The following WSCD2 variants were observed in gnomAD, a reference collection of about 807,000 sequenced individuals.
WSCD2 encodes sialate:O-sulfotransferase 2.
WSCD2 carries 28 observed loss-of-function variants against 55.7 expected under a neutral mutation model. The ratio of observed to expected loss-of-function variants is 0.50; its 90% CI spans 0.37 to 0.69. The LOEUF (loss-of-function observed/expected upper bound fraction) is 0.69. Among genes scored for constraint, WSCD2 ranks in the 30% least tolerant of loss-of-function variants. The pLI is 0.00. For synonymous variants in WSCD2, 301 were observed against 301.9 expected, an observed-to-expected ratio of 1.00 and a Z score of 0.03; for missense variants, 616 against 762.1, an observed-to-expected ratio of 0.81 and a Z score of 2.26.
chr12:108,181,833 A>T (rs1245915477), intron 1 of WSCD2, among the ~76,000 whole-genome samples: 1 of 152,192 alleles, frequency 6.6e-6, no homozygotes, highest in East Asian at 1.9e-4. Flanking sequence ...AATAACAATA[A>T]CTGTGGTTGT....
At chr12:108,201,641 ATG>A (rs1435807074) in intron 2 of WSCD2, among the ~76,000 whole-genome samples, 1 of 152,150 alleles carries the variant, frequency 6.6e-6, no homozygotes, top group Non-Finnish European at 1.5e-5. Flanking sequence ...CTGCAGCATC[ATG>A]TGTGGGATTT....
Position 108,198,559 on chromosome 12 carries a change from G to A in WSCD2, c.382+2345G>A, listed in dbSNP as rs905460619. ...GAAACAACAACGTCTCTCATTTGTT[G>A]TGAGATTGAAATACTGCCATCAATG... On this transcript the variant is annotated intron_variant, in intron 2 of 8. Transcript: ENST00000547525. 2.0e-5 allele frequency among the ~76,000 whole-genome samples: 3 copies of A among 152,170 alleles called. 1 individual carries two copies. The highest frequency in any genetic ancestry group is 6.3e-3 in the Middle Eastern group (2 of 316).
At chr12:108,239,910 G>A (rs1336229492) in intron 7 of WSCD2, among the ~76,000 whole-genome samples, 1 of 151,988 alleles carries the variant, frequency 6.6e-6, no homozygotes, top group African/African-American at 2.4e-5. Context: ...TGTAGAGAAT[G>A]GGGTCTCACT....
At chr12:108,211,665 A>ATATATATATACATATATATATATT (rs1565970125) in intron 4 of WSCD2, among the ~76,000 whole-genome samples, 3 of 147,694 alleles carry the variant, frequency 2.0e-5, no homozygotes, top group Admixed American at 6.8e-5. Flanking sequence ...ATATATATAT[A>ATATATATATACATATATATATATT]TTTTTTGAGA....
At chr12:108,135,680 G>A (rs551942334) in intron 1 of WSCD2, among the ~76,000 whole-genome samples, 14 of 152,330 alleles carry the variant, frequency 9.2e-5, no homozygotes, top group South Asian at 2.1e-4. Flanking sequence ...CTTTCAGTGC[G>A]AAAACTGGAA....
chr12:108,200,540 A>T (rs1884534674), intron 2 of WSCD2, among the ~76,000 whole-genome samples: 1 of 152,166 alleles, frequency 6.6e-6, no homozygotes, highest in South Asian at 2.1e-4. Flanking sequence ...ACATGCCCAG[A>T]TCTTTGCTGG....
intron 8 of WSCD2, 103 bp downstream of exon 8, chr12:108,240,647 T>C: frequency 7.4e-7 from 1 of 1,346,562 alleles, no homozygotes; most frequent in African/African-American, 1.4e-5. Context: ...CAGGAGGCAA[T>C]GCCTCATGCG....
chr12:108,170,287 A>G (rs1282811437), intron 1 of WSCD2, among the ~76,000 whole-genome samples: 1 of 152,192 alleles, frequency 6.6e-6, no homozygotes, highest in Non-Finnish European at 1.5e-5. Context: ...TATGCAGTGT[A>G]GTCACTACAC....
chr12:108,206,447 T>C, intron 3 of WSCD2, 44 bp downstream of exon 3: 1 of 1,582,544 alleles, frequency 6.3e-7, no homozygotes, highest in Non-Finnish European at 8.7e-7. Flanking sequence ...AGGCCCTTCC[T>C]TCTCAGATTC....
At chr12:108,203,265 A>T (rs1884937809) in intron 2 of WSCD2, among the ~76,000 whole-genome samples, 2 of 152,158 alleles carry the variant, frequency 1.3e-5, no homozygotes. Context: ...GCTGGACTGG[A>T]TTTTTTAAAT....
At chr12:108,146,929 C>T (rs558986234) in intron 1 of WSCD2, among the ~76,000 whole-genome samples, 1 of 152,348 alleles carries the variant, frequency 6.6e-6, no homozygotes, top group South Asian at 2.1e-4. Flanking sequence ...CAATGAACTT[C>T]ATCCATACAT....
intron 2 of WSCD2, among the ~76,000 whole-genome samples, chr12:108,197,954 T>A (rs1281402190): frequency 6.8e-6 from 1 of 146,004 alleles, no homozygotes; most frequent in African/African-American, 2.5e-5. Context: ...TCTCCCCAGA[T>A]GTTTGCATAG....
intron 4 of WSCD2, among the ~76,000 whole-genome samples, chr12:108,221,293 G>C (rs1834590): frequency 6.6e-6 from 1 of 151,988 alleles, no homozygotes; most frequent in Non-Finnish European, 1.5e-5. Context: ...GGTGACTCAC[G>C]CCTGTAATTC....
At chr12:108,184,648 G>A (rs1161413692) in intron 1 of WSCD2, among the ~76,000 whole-genome samples, 5 of 152,108 alleles carry the variant, frequency 3.3e-5, no homozygotes, top group Admixed American at 1.3e-4. Flanking sequence ...CTGAGCCCCC[G>A]GGTTCCTCAT....
At chr12:108,226,856 T>G in intron 5 of WSCD2, 134 bp from the exon 6 acceptor site, 1 of 1,058,978 alleles carries the variant, frequency 9.4e-7, no homozygotes, top group Non-Finnish European at 1.3e-6. Context: ...GGATGGAATT[T>G]GGGGACCCTC....
At chr12:108,147,658 C>T (rs1877541879) in intron 1 of WSCD2, among the ~76,000 whole-genome samples, 1 of 152,078 alleles carries the variant, frequency 6.6e-6, no homozygotes, top group African/African-American at 2.4e-5. Context: ...AGGCTAATTG[C>T]TTGAGCTCAA....
At chr12:108,134,646 A>G (rs1875982449) in intron 1 of WSCD2, among the ~76,000 whole-genome samples, 1 of 152,164 alleles carries the variant, frequency 6.6e-6, no homozygotes, top group African/African-American at 2.4e-5. Context: ...CCAGTAAGTC[A>G]TCTTTATTTC....
intron 1 of WSCD2, among the ~76,000 whole-genome samples, chr12:108,160,974 C>T (rs1292609351): frequency 6.6e-6 from 1 of 152,142 alleles, no homozygotes; most frequent in Non-Finnish European, 1.5e-5. Flanking sequence ...CAGAAGCCAC[C>T]TAACTGGATT....
chr12:108,242,553 C>T (rs1336127205), intron 8 of WSCD2, among the ~76,000 whole-genome samples: 1 of 152,158 alleles, frequency 6.6e-6, no homozygotes, highest in Non-Finnish European at 1.5e-5. Context: ...AGTGGGAAAA[C>T]CCCAGTGCCC....
Sources: gnomAD v4.1 joint callset for allele counts (sites outside exome capture counted in the v4.1 genomes callset) on GRCh38, gnomAD v4.1.1 for gene constraint, MANE v1.5 for transcripts, NCBI Gene and HGNC (gene_info 2026-07-23, HGNC 2026-07-21) for gene names.